The following TAFA2 variants were observed in gnomAD, a reference collection of about 807,000 sequenced individuals.
TAFA2 encodes the protein TAFA chemokine like family member 2, also known as chemokine-like protein TAFA-2.
Under a neutral mutation model 18.8 loss-of-function variants are expected in TAFA2, and 7 were observed. The observed-to-expected ratio is 0.37, with a 90% CI of 0.21 to 0.70. TAFA2 has a LOEUF of 0.70. Among genes scored for constraint, TAFA2 ranks in the 30% least tolerant of loss-of-function variants. TAFA2 has a pLI of 0.53. For missense variants in TAFA2, 122 were observed against 158.1 expected, an observed-to-expected ratio of 0.77 and a Z score of 1.23; for synonymous variants, 60 against 54.2, an observed-to-expected ratio of 1.11 and a Z score of -0.47.
At chr12:61,874,827 C>T (rs1263648814) in intron 1 of TAFA2, among the ~76,000 whole-genome samples, 1 of 152,088 alleles carries the variant, frequency 6.6e-6, no homozygotes, top group Non-Finnish European at 1.5e-5. Context: ...AGCTACATCA[C>T]CATGCATCTA....
chr12:62,185,597 A>G (rs1185300911), intron 1 of TAFA2, among the ~76,000 whole-genome samples: 1 of 152,242 alleles, frequency 6.6e-6, no homozygotes, highest in African/African-American at 2.4e-5. Context: ...TAAACTAAGA[A>G]AGAAATGGTA....
intron 2 of TAFA2, among the ~76,000 whole-genome samples, chr12:61,774,698 G>T (rs1190270644): frequency 6.6e-6 from 1 of 151,562 alleles, no homozygotes; most frequent in Non-Finnish European, 1.5e-5. Flanking sequence ...AGGGATAAAT[G>T]ATTATATATT....
Position 62,157,545 on chromosome 12 carries a change from C to T in TAFA2, c.-2+33714G>A, listed in dbSNP as rs547750968. On this transcript the variant is annotated intron_variant, in intron 1 of 4. Transcript: ENST00000416284. ...CACGGCTGATGAACCACTCTGCGGT[C>T]CAGTCTGCCCTACCTGGCTCCACCT... 3.3e-5 allele frequency among the ~76,000 whole-genome samples: 5 copies of T among 152,318 alleles called. No individual in the cohort carries two copies. In the South Asian group the frequency reaches 1.0e-3, roughly 32 times the overall value.
chr12:62,228,710 A>G (rs566529793), intron 1 of TAFA2, among the ~76,000 whole-genome samples: 4 of 152,092 alleles, frequency 2.6e-5, no homozygotes, highest in Non-Finnish European at 2.9e-5. Context: ...GTTATTCAGG[A>G]TCATTTGTGC....
intron 1 of TAFA2, among the ~76,000 whole-genome samples, chr12:62,028,794 C>T (rs928743117): frequency 1.3e-5 from 2 of 152,042 alleles, no homozygotes; most frequent in Non-Finnish European, 1.5e-5. Flanking sequence ...CTTTATTAGT[C>T]AGAAAAAGAG....
chr12:61,722,379 T>C (rs1159029083), intron 4 of TAFA2, among the ~76,000 whole-genome samples: 4 of 152,136 alleles, frequency 2.6e-5, no homozygotes, highest in Non-Finnish European at 1.5e-5. Flanking sequence ...ATTTAAATGA[T>C]GGTTTGAGGA....
chr12:62,009,409 G>C (rs1428577821), intron 1 of TAFA2, among the ~76,000 whole-genome samples: 1 of 152,174 alleles, frequency 6.6e-6, no homozygotes, highest in African/African-American at 2.4e-5. Flanking sequence ...ACCAATAGCT[G>C]CTGGGAATTT....
At chr12:61,810,975 G>A (rs1010666096) in intron 2 of TAFA2, among the ~76,000 whole-genome samples, 1 of 150,318 alleles carries the variant, frequency 6.7e-6, no homozygotes, top group Non-Finnish European at 1.5e-5. Context: ...TTAATCTATC[G>A]AGAATTGATG....
At chr12:61,727,015 T>C (rs1473664504) in intron 4 of TAFA2, among the ~76,000 whole-genome samples, 1 of 152,090 alleles carries the variant, frequency 6.6e-6, no homozygotes, top group Non-Finnish European at 1.5e-5. Flanking sequence ...ATTCTCTTTA[T>C]GTGATGTATC....
At chr12:61,864,617 C>CA (rs1236609449) in intron 2 of TAFA2, among the ~76,000 whole-genome samples, 1 of 151,088 alleles carries the variant, frequency 6.6e-6, no homozygotes, top group Non-Finnish European at 1.5e-5. Context: ...ACTAAAAATA[C>CA]AAAAAATTAG....
At chr12:62,135,812 C>T (rs1189628835) in intron 1 of TAFA2, 1 of 152,042 alleles carries the variant, frequency 6.6e-6, no homozygotes, top group Admixed American at 6.6e-5. Flanking sequence ...TACCTTTTGG[C>T]TGGTCAGTAG....
intron 1 of TAFA2, among the ~76,000 whole-genome samples, chr12:61,981,216 T>C (rs1372831013): frequency 6.6e-6 from 1 of 152,174 alleles, no homozygotes; most frequent in Non-Finnish European, 1.5e-5. Flanking sequence ...GGGAAAGGAT[T>C]CCCTATTTAA....
chr12:61,771,862 GA>G (rs1165945949), intron 2 of TAFA2, among the ~76,000 whole-genome samples: 35 of 112,560 alleles, frequency 3.1e-4, no homozygotes, highest in South Asian at 8.2e-4. Flanking sequence ...CCCAACAGAA[GA>G]AAAAAAAAAT....
chr12:61,885,208 A>T (rs557614550), intron 1 of TAFA2, among the ~76,000 whole-genome samples: 1 of 152,216 alleles, frequency 6.6e-6, no homozygotes, highest in African/African-American at 2.4e-5. Flanking sequence ...ACCCATATCC[A>T]GGTCCTCTGA....
chr12:61,914,517 G>T (rs955183556), intron 1 of TAFA2, among the ~76,000 whole-genome samples: 5 of 152,146 alleles, frequency 3.3e-5, no homozygotes, highest in African/African-American at 1.2e-4. Flanking sequence ...TAATTAAAAT[G>T]ACTGGTGTTA....
At chr12:61,774,606 G>A (rs915274494) in intron 2 of TAFA2, among the ~76,000 whole-genome samples, 1 of 151,750 alleles carries the variant, frequency 6.6e-6, no homozygotes, top group African/African-American at 2.4e-5. Context: ...CTTATAAGTG[G>A]AAGCTAAGTT....
At chr12:61,929,159 T>TAAAAAAAAAAAA (rs57143585) in intron 1 of TAFA2, among the ~76,000 whole-genome samples, 1 of 134,746 alleles carries the variant, frequency 7.4e-6, no homozygotes, top group Non-Finnish European at 1.6e-5. Flanking sequence ...AAGTATAATT[T>TAAAAAAAAAAAA]AAAAAAAAAA....
At chr12:62,210,583 C>T (rs552969885) in intron 1 of TAFA2, among the ~76,000 whole-genome samples, 1 of 152,276 alleles carries the variant, frequency 6.6e-6, no homozygotes, top group South Asian at 2.1e-4. Flanking sequence ...TACATGTTGT[C>T]TGTTTTATAG....
intron 2 of TAFA2, among the ~76,000 whole-genome samples, chr12:61,799,002 T>C (rs1871297873): frequency 6.6e-6 from 1 of 152,240 alleles, no homozygotes; most frequent in South Asian, 2.1e-4. Flanking sequence ...AGAATAGCTT[T>C]TAGCAAAGAA....
Sources: allele counts gnomAD v4.1 joint callset (sites outside exome capture counted in the v4.1 genomes callset), GRCh38; gene constraint gnomAD v4.1.1; transcripts MANE v1.5; gene names NCBI Gene and HGNC (gene_info 2026-07-23, HGNC 2026-07-21).